Variants in CALN1 observed in about 807,000 individuals in gnomAD.
The protein encoded by CALN1 is calneuron 1.
CALN1 carries 17 observed loss-of-function variants against 30.6 expected under a neutral mutation model. The observed-to-expected ratio is 0.56, with a 90% CI of 0.38 to 0.83. The LOEUF is 0.83. Ranked by LOEUF, CALN1 falls within the 40% of genes least tolerant of loss-of-function variation. CALN1 has a pLI of 0.00. For synonymous variants in CALN1, 156 were observed against 131.4 expected (o/e 1.19, Z -1.28); for missense variants, 291 against 354.9 (o/e 0.82, Z 1.45).
At chr7:72,049,886 T>C (rs1368437765) in intron 4 of CALN1, among the ~76,000 whole-genome samples, 2 of 150,758 alleles carry the variant, frequency 1.3e-5, no homozygotes, top group Non-Finnish European at 3.0e-5. Flanking sequence ...CTCGGCTCAC[T>C]GCAACCTCTG....
chr7:72,237,175 C>T (rs1585235098), intron 3 of CALN1, among the ~76,000 whole-genome samples: 1 of 151,770 alleles, frequency 6.6e-6, no homozygotes, highest in Admixed American at 6.6e-5. Flanking sequence ...GTAGAGACGG[C>T]GTTTCACCAA....
At chr7:72,139,212 T>A (rs1051090685) in intron 3 of CALN1, among the ~76,000 whole-genome samples, 7 of 152,300 alleles carry the variant, frequency 4.6e-5, no homozygotes, top group Non-Finnish European at 1.0e-4. Flanking sequence ...CTCTTTGATG[T>A]CCCAGGCGCT....
At position 71,786,699 on chromosome 7, in the gene CALN1, A is replaced by C. The variant is rs1792994028; in HGVS notation, c.*1076T>G. 1 of 152,194 alleles carries C rather than the reference A, an allele frequency of 6.6e-6. No individual in the cohort carries two copies. The allele number at this position is 152,194 out of a possible 1,614,324, so 9.4% of individuals were successfully genotyped here. On this transcript the variant is annotated 3_prime_UTR_variant, in exon 7 of 7. Coordinates refer to ENST00000395275, the MANE Select transcript of CALN1 (RefSeq NM_031468.4). Reference sequence around the variant, plus strand: ...TTTAGCTGGGGAAGACTAACAAAGCAAACTCCAAGGTAAGGGAAAGGTAAG... The same window carrying C: ...TTTAGCTGGGGAAGACTAACAAAGCCAACTCCAAGGTAAGGGAAAGGTAAG...
At chr7:71,994,285 G>A (rs1225673448) in intron 5 of CALN1, among the ~76,000 whole-genome samples, 1 of 152,156 alleles carries the variant, frequency 6.6e-6, no homozygotes, top group Admixed American at 6.5e-5. Context: ...ACTGAGGCAG[G>A]CGGATCACCT....
At chr7:71,929,234 T>G (rs911624588) in intron 5 of CALN1, among the ~76,000 whole-genome samples, 1 of 152,178 alleles carries the variant, frequency 6.6e-6, no homozygotes, top group Non-Finnish European at 1.5e-5. Flanking sequence ...ACCTAGATAT[T>G]CAGCCCAGAA....
chr7:72,049,122 T>A (rs1393876446), intron 4 of CALN1, among the ~76,000 whole-genome samples: 3 of 152,072 alleles, frequency 2.0e-5, no homozygotes, highest in Non-Finnish European at 4.4e-5. Flanking sequence ...AAATATGATA[T>A]CATATTACCT....
intron 5 of CALN1, among the ~76,000 whole-genome samples, chr7:71,972,597 A>G (rs1797903377): frequency 6.6e-6 from 1 of 152,202 alleles, no homozygotes; most frequent in African/African-American, 2.4e-5. Flanking sequence ...GATGTCAGAC[A>G]AAGCTGTCAG....
intron 4 of CALN1, among the ~76,000 whole-genome samples, chr7:72,062,609 G>T (rs1453364205): frequency 6.6e-6 from 1 of 151,160 alleles, no homozygotes; most frequent in African/African-American, 2.4e-5. Flanking sequence ...GTAAATATAA[G>T]ATTATTCTTA....
intron 4 of CALN1, among the ~76,000 whole-genome samples, chr7:72,076,975 G>A (rs1030647497): frequency 6.6e-6 from 1 of 151,956 alleles, no homozygotes; most frequent in African/African-American, 2.4e-5. Flanking sequence ...CCTGGCTGGA[G>A]TGCAGTGGTA....
intron 4 of CALN1, among the ~76,000 whole-genome samples, chr7:72,059,227 T>C (rs1301905334): frequency 6.6e-6 from 1 of 152,220 alleles, no homozygotes; most frequent in Non-Finnish European, 1.5e-5. Context: ...TTCCAAGATC[T>C]AGACCTCCTA....
At chr7:72,352,921 A>G (rs925465587) in intron 2 of CALN1, among the ~76,000 whole-genome samples, 1 of 152,188 alleles carries the variant, frequency 6.6e-6, no homozygotes, top group Non-Finnish European at 1.5e-5. Context: ...TATAGATCCT[A>G]ACGATATAAA....
rs75598098 is a variant in CALN1, at chr7:71,898,012, G to A, written c.502-87520C>T. 9.4e-5 allele frequency among the ~76,000 whole-genome samples: 7 copies of A among 74,142 alleles called. No homozygotes were observed. The East Asian group carries it at 2.5e-3, about 26-fold the overall frequency. 48.6% of individuals were successfully genotyped at this position (74,142 alleles called of 152,430 possible). A position where few individuals can be genotyped will look rare whatever the true frequency, so the allele number is the denominator to read the frequency against. On this transcript the variant is annotated intron_variant, in intron 5 of 6. Transcript: ENST00000395275. Reference sequence around the variant, plus strand: ...AAAAAAGAGAGAGAGAGGGAGGGAGGGGGGGGGAGAGAGAGAGAGAGAGAG... The same window carrying A: ...AAAAAAGAGAGAGAGAGGGAGGGAGAGGGGGGGAGAGAGAGAGAGAGAGAG...
chr7:71,847,797 A>G (rs1219943109), intron 5 of CALN1, among the ~76,000 whole-genome samples: 37 of 146,046 alleles, frequency 2.5e-4, no homozygotes, highest in African/African-American at 8.2e-4. Flanking sequence ...AGAAGAAGAA[A>G]AGAAGAAAAG....
At chr7:72,361,193 T>C (rs990755714) in intron 2 of CALN1, among the ~76,000 whole-genome samples, 1 of 152,038 alleles carries the variant, frequency 6.6e-6, no homozygotes, top group Non-Finnish European at 1.5e-5. Context: ...TCTCCAAATA[T>C]CCCCAACTCT....
chr7:72,298,492 A>G (rs1040206320), intron 2 of CALN1, among the ~76,000 whole-genome samples: 1 of 152,160 alleles, frequency 6.6e-6, no homozygotes, highest in Non-Finnish European at 1.5e-5. Flanking sequence ...TCCTTTTGGG[A>G]GCAAAGGAAA....
At chr7:71,946,695 C>G (rs1317941754) in intron 5 of CALN1, among the ~76,000 whole-genome samples, 1 of 151,894 alleles carries the variant, frequency 6.6e-6, no homozygotes, top group African/African-American at 2.4e-5. Flanking sequence ...ACATCATTTT[C>G]CCACATCTGT....
At chr7:72,235,907 T>G (rs1391821621) in intron 3 of CALN1, among the ~76,000 whole-genome samples, 1 of 151,928 alleles carries the variant, frequency 6.6e-6, no homozygotes, top group South Asian at 2.1e-4. Flanking sequence ...AGCACAGAAC[T>G]GCTACCTGAC....
chr7:71,918,092 T>C (rs187720157), intron 5 of CALN1, among the ~76,000 whole-genome samples: 3 of 152,304 alleles, frequency 2.0e-5, no homozygotes, highest in East Asian at 1.9e-4. Flanking sequence ...GCCTAGAAGA[T>C]AGGAATTGCA....
chr7:72,160,826 C>A (rs1788056981), intron 3 of CALN1, among the ~76,000 whole-genome samples: 1 of 152,202 alleles, frequency 6.6e-6, no homozygotes, highest in Admixed American at 6.5e-5. Flanking sequence ...AGAAAGGTTA[C>A]CAGCACCATG....
Sources: allele counts gnomAD v4.1 joint callset (sites outside exome capture counted in the v4.1 genomes callset), GRCh38; gene constraint gnomAD v4.1.1; transcripts MANE v1.5; gene names NCBI Gene and HGNC (gene_info 2026-07-23, HGNC 2026-07-21).